FARP1: variants seen among roughly 807,000 people sequenced by gnomAD.
FARP1 encodes the protein FERM, ARHGEF and pleckstrin domain-containing protein 1.
FARP1 carries 52 observed loss-of-function variants against 128.8 expected under a neutral mutation model. The ratio of observed to expected loss-of-function variants is 0.40; its 90% CI spans 0.32 to 0.51. FARP1 has a LOEUF of 0.51. FARP1 is among the 20% of genes least tolerant of loss of function. The pLI, the probability that FARP1 is intolerant of heterozygous loss-of-function variation, is 0.45. For missense variants in FARP1, 1,333 were observed against 1,367.9 expected, an observed-to-expected ratio of 0.97 and a Z score of 0.40; for synonymous variants, 580 against 551.8, an observed-to-expected ratio of 1.05 and a Z score of -0.72.
chr13:98,347,490 C>T (rs896833421), intron 3 of FARP1, among the ~76,000 whole-genome samples: 1 of 152,052 alleles, frequency 6.6e-6, no homozygotes, highest in Admixed American at 6.6e-5. Context: ...TAAGTGGAAT[C>T]GTGTGGTCTT....
At chr13:98,318,935 G>A (rs1207407132) in intron 2 of FARP1, among the ~76,000 whole-genome samples, 1 of 149,070 alleles carries the variant, frequency 6.7e-6, no homozygotes, top group African/African-American at 2.5e-5. Context: ...TTCCTTTGGA[G>A]CTTAGTTTTT....
intron 2 of FARP1, among the ~76,000 whole-genome samples, chr13:98,246,481 A>G (rs1379507126): frequency 4.6e-5 from 7 of 152,074 alleles, no homozygotes; most frequent in East Asian, 1.9e-4. Context: ...ATTAGAGTCT[A>G]TAGTTTTTGT....
rs552418070 is a variant in FARP1 at position 98,213,048 on chromosome 13, C to T, written c.-23-172C>T. 2.6e-5 allele frequency among the ~76,000 whole-genome samples: 4 copies of T among 152,288 alleles called. No homozygotes were observed. In the South Asian group the frequency reaches 6.2e-4, roughly 24 times the overall value. On this transcript the variant is annotated intron_variant, in intron 1 of 26. Transcript: ENST00000319562. ...GAATAAAGTATGCAAAAAGTATTTG[C>T]ATGCCTTGAGTGCTTAAAGGTGACT...
chr13:98,313,811 G>A (rs907523452), intron 2 of FARP1, among the ~76,000 whole-genome samples: 6 of 152,186 alleles, frequency 3.9e-5, no homozygotes, highest in Admixed American at 1.3e-4. Context: ...CCTGCCAGCC[G>A]CCTCCTCATC....
At chr13:98,422,434 G>C (rs1891628719) in intron 16 of FARP1, among the ~76,000 whole-genome samples, 1 of 152,198 alleles carries the variant, frequency 6.6e-6, no homozygotes, top group Non-Finnish European at 1.5e-5. Flanking sequence ...TGGTGGAAGA[G>C]AATGGACCAG....
At chr13:98,181,283 A>G (rs540156001) in intron 1 of FARP1, among the ~76,000 whole-genome samples, 31 of 152,190 alleles carry the variant, frequency 2.0e-4, no homozygotes, top group Non-Finnish European at 4.1e-4. Flanking sequence ...GTCTGAGGTT[A>G]CATCCTGGCG....
At chr13:98,210,235 C>T (rs765234017) in intron 1 of FARP1, among the ~76,000 whole-genome samples, 29 of 151,976 alleles carry the variant, frequency 1.9e-4, no homozygotes, top group Non-Finnish European at 3.8e-4. Context: ...GCCCCTTTGT[C>T]CAGAAGTGCC....
chr13:98,257,846 T>C (rs574419297), intron 2 of FARP1, among the ~76,000 whole-genome samples: 2 of 152,324 alleles, frequency 1.3e-5, no homozygotes, highest in African/African-American at 4.8e-5. Context: ...AAACTTCTGA[T>C]CTATTTGCTA....
At chr13:98,442,131 G>A (rs767718218) in intron 24 of FARP1, among the ~76,000 whole-genome samples, 12 of 152,310 alleles carry the variant, frequency 7.9e-5, no homozygotes, top group Non-Finnish European at 1.6e-4. Flanking sequence ...CTCTGCCCCC[G>A]CGCCCTCTGC....
chr13:98,365,929 C>T (rs888366181), intron 4 of FARP1, among the ~76,000 whole-genome samples: 2 of 143,778 alleles, frequency 1.4e-5, no homozygotes, highest in Admixed American at 7.0e-5. Context: ...TTCTGAGTAG[C>T]AAGCAGAGCC....
Position 98,390,119 on chromosome 13 carries a change from A to C in FARP1, c.1018A>C (p.Ser340Arg). ...LFSRGSSFRF[S>R]GRTQKQVLDY... is the part of the protein sequence containing the mutation. ...TAGCCGGGGGTCATCATTTCGGTTC[A>C]GGTGAGGTCGCCACTTTGTGCCTCT... The change falls in exon 10 of 27, where the codon AGT becomes CGT. Residue 340 changes from serine to arginine, a missense_variant and splice_region_variant. Coordinates refer to ENST00000319562, the MANE Select transcript of FARP1 (RefSeq NM_005766.4). 6.2e-7 allele frequency: 1 copy of C among 1,612,678 alleles called. No individual in the cohort carries two copies. Among genetic ancestry groups the C allele is most frequent in the Non-Finnish European group, 8.5e-7 (1 of 1,179,490 alleles).
At chr13:98,184,173 G>C (rs372585425) in intron 1 of FARP1, among the ~76,000 whole-genome samples, 10 of 152,080 alleles carry the variant, frequency 6.6e-5, no homozygotes, top group African/African-American at 2.4e-4. Context: ...GCCGGAGAGT[G>C]GTGGTGAGAT....
At chr13:98,369,359 T>A (rs1322802306) in intron 5 of FARP1, among the ~76,000 whole-genome samples, 1 of 151,706 alleles carries the variant, frequency 6.6e-6, no homozygotes, top group African/African-American at 2.4e-5. Context: ...AATTCTTTTT[T>A]TTTTTTTTTT....
At chr13:98,177,678 C>T (rs1878192869) in intron 1 of FARP1, 1 of 143,504 alleles carries the variant, frequency 7.0e-6, no homozygotes, top group African/African-American at 2.5e-5. Flanking sequence ...AAAAAAAAGG[C>T]TTCTCCCGCC....
At chr13:98,334,550 A>G (rs1184950714) in intron 2 of FARP1, among the ~76,000 whole-genome samples, 1 of 152,150 alleles carries the variant, frequency 6.6e-6, no homozygotes, top group East Asian at 1.9e-4. Context: ...TTAGTCTTAA[A>G]AGGGAGATAA....
chr13:98,302,968 G>A (rs1447918294), intron 2 of FARP1, among the ~76,000 whole-genome samples: 1 of 152,166 alleles, frequency 6.6e-6, no homozygotes, highest in Non-Finnish European at 1.5e-5. Context: ...TGTGGAGGTG[G>A]CCACTTGGTC....
intron 1 of FARP1, among the ~76,000 whole-genome samples, chr13:98,189,560 T>C (rs1879092928): frequency 6.6e-6 from 1 of 152,214 alleles, no homozygotes; most frequent in African/African-American, 2.4e-5. Context: ...GATAAATTAG[T>C]TAACCAGATT....
At chr13:98,343,438 G>A (rs567149656) in intron 2 of FARP1, among the ~76,000 whole-genome samples, 18 of 152,258 alleles carry the variant, frequency 1.2e-4, no homozygotes, top group African/African-American at 3.4e-4. Flanking sequence ...ACTGTGTAGC[G>A]CGAAGAAGTT....
chr13:98,184,018 G>A (rs1257738615), intron 1 of FARP1, among the ~76,000 whole-genome samples: 1 of 151,976 alleles, frequency 6.6e-6, no homozygotes, highest in African/African-American at 2.4e-5. Flanking sequence ...CATCCACATG[G>A]TTTCTCCTTC....
Sources: gnomAD v4.1 joint callset for allele counts (sites outside exome capture counted in the v4.1 genomes callset) on GRCh38, gnomAD v4.1.1 for gene constraint, MANE v1.5 for transcripts, NCBI Gene and HGNC (gene_info 2026-07-23, HGNC 2026-07-21) for gene names.